CMIP: variants seen among roughly 807,000 people sequenced by gnomAD.
The protein encoded by CMIP is C-Maf-inducing protein.
A neutral mutation model predicts 97.3 loss-of-function variants in CMIP; 13 were observed. That is an observed-to-expected ratio of 0.13 (90% CI 0.09 to 0.21). The LOEUF is 0.21. Ranked by LOEUF, CMIP falls within the 10% of genes least tolerant of loss-of-function variation. The pLI is 1.00. For missense variants in CMIP, 847 were observed against 1,024.9 expected (o/e 0.83, Z 2.37); for synonymous variants, 538 against 436.3 (o/e 1.23, Z -2.91).
intron 1 of CMIP, among the ~76,000 whole-genome samples, chr16:81,460,825 A>AAAATGGTG (rs1376101416): frequency 1.3e-5 from 2 of 152,236 alleles, no homozygotes; most frequent in Non-Finnish European, 2.9e-5. Flanking sequence ...CCTGCAAAGC[A>AAAATGGTG]AAATGGTGGT....
In CMIP at chr16:81,604,444, A is replaced by C. The variant is rs149117881; in HGVS notation, c.301-3123A>C. On this transcript the variant is annotated intron_variant, in intron 1 of 20. Transcript: ENST00000537098. ...ACCGGCTGCGGTGGCTTATGCCTGT[A>C]ATCCCAGCACTTTGGGAGACCGAAG... is the stretch of plus-strand genomic sequence containing the variant. Among the ~76,000 whole-genome samples, 482 of 150,694 alleles carry C rather than the reference A, an allele frequency of 3.2e-3. 5 individuals carry two copies. The highest frequency in any genetic ancestry group is 0.012 in the African/African-American group (473 of 40,780).
chr16:81,506,129 C>T (rs1055824521), intron 1 of CMIP, among the ~76,000 whole-genome samples: 5 of 152,212 alleles, frequency 3.3e-5, no homozygotes, highest in African/African-American at 1.2e-4. Context: ...GGTGGGACCC[C>T]TCTTAGCCTC....
At chr16:81,699,609 G>A (rs1420758133) in intron 14 of CMIP, 76 bp from the exon 15 acceptor site, 3 of 928,572 alleles carry the variant, frequency 3.2e-6, no homozygotes, top group Admixed American at 4.0e-5. Flanking sequence ...CGGCTCTTGG[G>A]CTCACTTCCT....
intron 14 of CMIP, among the ~76,000 whole-genome samples, chr16:81,699,277 G>A (rs1433210473): frequency 6.6e-6 from 1 of 152,036 alleles, no homozygotes; most frequent in Non-Finnish European, 1.5e-5. Flanking sequence ...AAATAGCAAG[G>A]GCTACATTTG....
chr16:81,670,790 A>G (rs908300801), intron 8 of CMIP, among the ~76,000 whole-genome samples: 1 of 152,042 alleles, frequency 6.6e-6, no homozygotes, highest in African/African-American at 2.4e-5. Context: ...GTCTCGTGTC[A>G]GGCCGAGGTG....
At chr16:81,648,772 G>C (rs985146397) in intron 3 of CMIP, among the ~76,000 whole-genome samples, 1 of 107,036 alleles carries the variant, frequency 9.3e-6, no homozygotes, top group Non-Finnish European at 1.7e-5. Context: ...GACAGAGCAA[G>C]ACTCTGTCTC....
intron 2 of CMIP, chr16:81,620,668 T>C (rs2091980524): frequency 3.5e-6 from 2 of 563,996 alleles, no homozygotes; most frequent in Admixed American, 6.2e-5. Flanking sequence ...TGATGTCTTG[T>C]TTTTAGGAAA....
intron 1 of CMIP, chr16:81,464,208 G>A (rs1907065797): frequency 6.6e-6 from 1 of 152,306 alleles, no homozygotes; most frequent in African/African-American, 2.4e-5. Flanking sequence ...CCCAGGGGAA[G>A]TGGCGTGGGC....
chr16:81,606,332 G>T (rs1201447995), intron 1 of CMIP, among the ~76,000 whole-genome samples: 1 of 152,228 alleles, frequency 6.6e-6, no homozygotes, highest in Non-Finnish European at 1.5e-5. Context: ...TGATTGCCAT[G>T]TGCCCAGGGT....
chr16:81,607,427 C>A, intron 1 of CMIP, 140 bp from the exon 2 acceptor site: 1 of 1,082,328 alleles, frequency 9.2e-7, no homozygotes, highest in Non-Finnish European at 1.3e-6. Flanking sequence ...TTGCTTTGGT[C>A]ACCAGAGGTG....
At chr16:81,646,184 A>G (rs535996507) in intron 3 of CMIP, among the ~76,000 whole-genome samples, 1 of 132,860 alleles carries the variant, frequency 7.5e-6, no homozygotes, top group Admixed American at 8.3e-5. Context: ...GAATGGTTGG[A>G]TGGATAAGTA....
intron 1 of CMIP, among the ~76,000 whole-genome samples, chr16:81,503,187 C>T (rs1484904656): frequency 6.6e-6 from 1 of 152,148 alleles, no homozygotes; most frequent in African/African-American, 2.4e-5. Flanking sequence ...TCTTGAATTC[C>T]AGGAGATCCC....
chr16:81,547,260 G>C (rs141540900), intron 1 of CMIP, among the ~76,000 whole-genome samples: 72 of 152,340 alleles, frequency 4.7e-4, no homozygotes, highest in African/African-American at 1.7e-3. Context: ...GCGCGGCTGG[G>C]TCGTAGACCA....
intron 10 of CMIP, among the ~76,000 whole-genome samples, chr16:81,681,434 G>A (rs777764030): frequency 2.0e-5 from 3 of 152,178 alleles, no homozygotes; most frequent in Admixed American, 6.5e-5. Flanking sequence ...GACCTTGGAC[G>A]GTTGGTCATC....
intron 1 of CMIP, among the ~76,000 whole-genome samples, chr16:81,474,184 G>C (rs971500576): frequency 3.9e-5 from 6 of 152,120 alleles, no homozygotes; most frequent in African/African-American, 1.2e-4. Flanking sequence ...CCCCTGCTCA[G>C]AGCTTGTGGG....
intron 1 of CMIP, among the ~76,000 whole-genome samples, chr16:81,607,163 T>C (rs765144491): frequency 1.1e-4 from 17 of 152,198 alleles, no homozygotes; most frequent in Non-Finnish European, 1.9e-4. Flanking sequence ...GGAGGATGCA[T>C]ATCCGTGGGG....
intron 19 of CMIP, 112 bp from the exon 20 acceptor site, chr16:81,706,902 T>G (rs1908212048): frequency 1.9e-5 from 16 of 843,900 alleles, no homozygotes; most frequent in Non-Finnish European, 3.1e-5. Context: ...CCCAGCCCCA[T>G]CTCCTAACAG....
intron 1 of CMIP, among the ~76,000 whole-genome samples, chr16:81,501,265 G>T (rs2089605532): frequency 1.3e-5 from 2 of 152,244 alleles, no homozygotes; most frequent in African/African-American, 4.8e-5. Flanking sequence ...AAGAGAAAAG[G>T]AGAACAACTT....
At chr16:81,537,168 G>A (rs1282844846) in intron 1 of CMIP, among the ~76,000 whole-genome samples, 4 of 152,202 alleles carry the variant, frequency 2.6e-5, no homozygotes, top group Non-Finnish European at 5.9e-5. Flanking sequence ...CGTCCTGGCC[G>A]TCACAATGTT....
Sources: allele counts gnomAD v4.1 joint callset (sites outside exome capture counted in the v4.1 genomes callset), GRCh38; gene constraint gnomAD v4.1.1; transcripts MANE v1.5; gene names NCBI Gene and HGNC (gene_info 2026-07-23, HGNC 2026-07-21).